ZFYVE26: variants seen among roughly 807,000 people sequenced by gnomAD.
The protein encoded by ZFYVE26 is zinc finger FYVE domain-containing protein 26.
Under a neutral mutation model 276.5 loss-of-function variants are expected in ZFYVE26, and 181 were observed. That is an observed-to-expected ratio of 0.65 (90% CI 0.58 to 0.74). The LOEUF is 0.74. ZFYVE26 is among the 30% of genes least tolerant of loss of function. ZFYVE26 has a pLI of 0.00. For missense variants in ZFYVE26, 2,821 were observed against 3,097.9 expected (o/e 0.91, Z 2.12); for synonymous variants, 1,129 against 1,203.1 (o/e 0.94, Z 1.27).
At chr14:67,730,844 T>A (rs910159308) in intron 13 of ZFYVE26, among the ~76,000 whole-genome samples, 5 of 152,168 alleles carry the variant, frequency 3.3e-5, no homozygotes, top group Non-Finnish European at 7.4e-5. Flanking sequence ...CGTCAGTTGA[T>A]CCACCTGCCT....
rs1298744574 is a variant in ZFYVE26, at chr14:67,752,512, A to G, written c.7203T>C (p.Asp2401=). The G allele has an allele frequency of 6.2e-7, 1 of 1,614,150 alleles. No individual in the cohort carries two copies. The highest frequency in any genetic ancestry group is 1.7e-5 in the Admixed American group (1 of 60,024). Residue 2401 remains aspartate, a synonymous_variant, in exon 40 of 42, where the codon GAT becomes GAC. Coordinates refer to ENST00000347230, the MANE Select transcript of ZFYVE26 (RefSeq NM_015346.4). Reference sequence around the variant, plus strand: ...CAGCTCTGCAGTAGGTCATGGCAGCATCCAGCTGGAAGTCCTAGAACAGAA... The same window carrying G: ...CAGCTCTGCAGTAGGTCATGGCAGCGTCCAGCTGGAAGTCCTAGAACAGAA... ...AFRVLQDFQL[D]AAMTYCRAAR...
chr14:67,806,204 A>G (rs1057468862), intron 6 of ZFYVE26, among the ~76,000 whole-genome samples: 1 of 152,238 alleles, frequency 6.6e-6, no homozygotes, highest in African/African-American at 2.4e-5. Context: ...CCCAGTTGCA[A>G]TCTGGAAGGA....
intron 8 of ZFYVE26, 126 bp from the exon 9 acceptor site, chr14:67,804,390 A>G (rs1305639863): frequency 1.6e-6 from 2 of 1,239,108 alleles, no homozygotes; most frequent in African/African-American, 3.0e-5. Flanking sequence ...CTTCCCTACA[A>G]TCTAAATTTT....
chr14:67,729,046 G>A (rs1594867314), intron 14 of ZFYVE26: 3 of 828,848 alleles, frequency 3.6e-6, no homozygotes. Context: ...TTCAAATTCC[G>A]CCTGGCCAGG....
At chr14:67,799,532 G>A (rs1472465581) in intron 10 of ZFYVE26, 26 of 1,579,082 alleles carry the variant, frequency 1.6e-5, no homozygotes, top group East Asian at 2.2e-5. Context: ...CAGTTTTCTG[G>A]CTCAGATGGA....
At chr14:67,794,823 C>T (rs974780339) in intron 12 of ZFYVE26, among the ~76,000 whole-genome samples, 6 of 152,224 alleles carry the variant, frequency 3.9e-5, no homozygotes, top group African/African-American at 1.2e-4. Context: ...TGGCATGCAC[C>T]TGTAGTCCCA....
chr14:67,749,280 G>C (rs1031584618), intron 41 of ZFYVE26, among the ~76,000 whole-genome samples: 1 of 152,120 alleles, frequency 6.6e-6, no homozygotes, highest in African/African-American at 2.4e-5. Flanking sequence ...ATCTGGGGAG[G>C]AAGACACACA....
intron 13 of ZFYVE26, among the ~76,000 whole-genome samples, chr14:67,737,298 G>A (rs190915965): frequency 5.4e-4 from 82 of 151,992 alleles, no homozygotes; most frequent in Admixed American, 2.9e-3. Context: ...ACCCAAGACC[G>A]GGTAATTTAT....
In ZFYVE26 at chr14:67,772,112, G is replaced by A. The variant is rs2039226062; in HGVS notation, c.5419C>T (p.His1807Tyr). Residue 1807 changes from histidine (H) to tyrosine (Y), a missense_variant, in exon 28 of 42, where the codon CAC becomes TAC. Transcript: ENST00000347230. ...FVPPATPPAR[H>Y]QWVPDETESI... is the part of the protein sequence containing the mutation. ...TCAGTCTCATCCGGTACCCACTGGT[G>A]CCTGGCAGGGGGTGTCGCTGGGGGC... 6.2e-7 allele frequency: 1 copy of A among 1,612,948 alleles called. No homozygotes were observed. Among genetic ancestry groups the A allele is most frequent in the Non-Finnish European group, 8.5e-7 (1 of 1,179,722 alleles).
chr14:67,791,600 C>G (rs976791333), intron 14 of ZFYVE26, among the ~76,000 whole-genome samples: 4 of 148,834 alleles, frequency 2.7e-5, no homozygotes, highest in Non-Finnish European at 5.9e-5. Flanking sequence ...CTGATATTGT[C>G]GTATATGTAC....
intron 39 of ZFYVE26, among the ~76,000 whole-genome samples, 168 bp downstream of exon 39, chr14:67,753,539 A>G (rs958107215): frequency 6.6e-6 from 1 of 152,322 alleles, no homozygotes; most frequent in Middle Eastern, 3.4e-3. Flanking sequence ...AGTGGCCTAG[A>G]GTCTTGAATT....
In ZFYVE26 at chr14:67,815,897, A is replaced by G. The variant is rs1321552896; in HGVS notation, c.67T>C (p.Cys23Arg). Residue 23 changes from cysteine (C) to arginine (R), a missense_variant, in exon 2 of 42, where the codon TGC (cysteine) becomes CGC (arginine). Coordinates refer to ENST00000347230, the MANE Select transcript of ZFYVE26 (RefSeq NM_015346.4). ...AGCTCCCATTCTCCCCTCCGCAGGC[A>G]TTCGCAGAAAAATCCAAAAAGCTGC... ...QKQLFGFFCE[C>R]LRRGEWELAQ... is the part of the protein sequence containing the mutation. 3.1e-6 allele frequency: 5 copies of G among 1,613,888 alleles called. No homozygotes were observed. The East Asian group carries it at 8.9e-5, about 29-fold the overall frequency.
At chr14:67,761,242 G>C (rs1594891055) in intron 35 of ZFYVE26, 124 bp downstream of exon 35, 2 of 897,864 alleles carry the variant, frequency 2.2e-6, no homozygotes, top group African/African-American at 1.7e-5. Context: ...GACTCTGCTA[G>C]AGATGGCCCC....
chr14:67,749,149 T>C (rs1422339457), intron 41 of ZFYVE26, among the ~76,000 whole-genome samples: 1 of 152,168 alleles, frequency 6.6e-6, no homozygotes, highest in African/African-American at 2.4e-5. Context: ...AGGTGTTCAA[T>C]GAATATGTAT....
In ZFYVE26 at chr14:67,801,974, G is replaced by A; in HGVS notation, c.1639+105C>T. 1.0e-5 allele frequency: 13 copies of A among 1,282,720 alleles called. 1 individual carries two copies. In the South Asian group the frequency reaches 1.2e-4, roughly 12 times the overall value. 79.5% of individuals were successfully genotyped at this position (1,282,720 alleles called of 1,614,324 possible). A position where few individuals can be genotyped will look rare whatever the true frequency, so the allele number is the denominator to read the frequency against. ...TATCCCTGGGTGAAATAAAACCAAG[G>A]CCATCACCCCACTCCCAATCTTGGT... On this transcript the variant is annotated intron_variant, in intron 10 of 41. Transcript: ENST00000347230.
intron 5 of ZFYVE26, 125 bp downstream of exon 5, chr14:67,807,273 A>C: frequency 7.7e-7 from 1 of 1,296,014 alleles, no homozygotes; most frequent in Non-Finnish European, 1.1e-6. Flanking sequence ...CATCGCACCC[A>C]TTTTTGCTTA....
At position 67,783,227 on chromosome 14, in the gene ZFYVE26, TAAG is replaced by T; in HGVS notation, c.3922_3924del (p.Leu1308del). 1 of 1,613,774 alleles carries T rather than the reference TAAG, an allele frequency of 6.2e-7. No homozygotes were observed. The highest frequency in any genetic ancestry group is 8.5e-7 in the Non-Finnish European group (1 of 1,179,744). ...GTAGCTAGGAGCTTTGAGCGTGACT[TAAG>T]AAAGGCCAAGGCAGAGGAGGTGAGG... On this transcript the variant is annotated inframe_deletion, in exon 21 of 42. Coordinates refer to ENST00000347230, the MANE Select transcript of ZFYVE26 (RefSeq NM_015346.4).
intron 39 of ZFYVE26, 36 bp from the exon 40 acceptor site, chr14:67,752,562 G>A (rs920062549): frequency 8.1e-6 from 13 of 1,612,178 alleles, no homozygotes; most frequent in East Asian, 2.2e-5. Context: ...CTTAGGAGCA[G>A]GAAACGTTAA....
chr14:67,765,071 A>G (rs533131660), intron 32 of ZFYVE26, among the ~76,000 whole-genome samples: 28 of 148,942 alleles, frequency 1.9e-4, no homozygotes, highest in Non-Finnish European at 3.4e-4. Context: ...AATTAGGTAG[A>G]TTTTTTATTC....
Sources: gnomAD v4.1 joint callset for allele counts (sites outside exome capture counted in the v4.1 genomes callset) on GRCh38, gnomAD v4.1.1 for gene constraint, MANE v1.5 for transcripts, NCBI Gene and HGNC (gene_info 2026-07-23, HGNC 2026-07-21) for gene names.